The following QARS1 variants were observed in gnomAD, a reference collection of about 807,000 sequenced individuals.
The protein encoded by QARS1 is glutaminyl-tRNA synthetase 1.
A neutral mutation model predicts 106.9 loss-of-function variants in QARS1; 79 were observed. The ratio of observed to expected loss-of-function variants is 0.74; its 90% CI spans 0.62 to 0.89. The LOEUF is 0.89. QARS1 is among the 40% of genes least tolerant of loss of function. The pLI is 0.00. For missense variants in QARS1, 966 were observed against 997.2 expected (o/e 0.97, Z 0.42); for synonymous variants, 395 against 367.7 (o/e 1.07, Z -0.85).
At chr3:49,099,283 C>G in intron 17 of QARS1, 30 bp from the exon 18 acceptor site, 1 of 1,614,164 alleles carries the variant, frequency 6.2e-7, no homozygotes, top group Non-Finnish European at 8.5e-7. Flanking sequence ...TCAGTCACAG[C>G]TACAATCACA....
At position 49,100,102 on chromosome 3, in the gene QARS1, C is replaced by A; in HGVS notation, c.1165-11G>T. On this transcript the variant is annotated splice_polypyrimidine_tract_variant and intron_variant, in intron 13 of 23. Coordinates refer to ENST00000306125, the MANE Select transcript of QARS1 (RefSeq NM_005051.3). ...GCCCTTGCGCATTGCCTGAGGGGAA[C>A]AAGGACTCAGGCTGTCTCTAAGCAC... 6.2e-7 allele frequency: 1 copy of A among 1,614,238 alleles called. No individual in the cohort carries two copies. Among genetic ancestry groups the A allele is most frequent in the African/African-American group, 1.3e-5 (1 of 75,060 alleles).
In QARS1 at chr3:49,099,390, C is replaced by T. The variant is rs201013732; in HGVS notation, c.1568G>A (p.Arg523Gln). The change falls in exon 17 of 24, where the codon CGA becomes CAA. Residue 523 changes from arginine (R) to glutamine (Q), a missense_variant. Arg to Gln is a conservative substitution (Grantham distance 43). Coordinates refer to ENST00000306125, the MANE Select transcript of QARS1 (RefSeq NM_005051.3). Reference sequence around the variant, plus strand: ...GGCCTCAGGTGGGAAGCCCCGCCGTCGCAGGGCCGTGAGTGTAAAGAGCCG... The same window carrying T: ...GGCCTCAGGTGGGAAGCCCCGCCGTTGCAGGGCCGTGAGTGTAAAGAGCCG... ...DPRLFTLTAL[R>Q]RRGFPPEAIN... 134 of 1,614,186 alleles carry T rather than the reference C, an allele frequency of 8.3e-5. No individual in the cohort carries two copies. The African/African-American group carries it at 9.3e-4, about 11-fold the overall frequency.
Position 49,103,360 on chromosome 3 carries a change from A to G in QARS1, c.501T>C (p.Asn167=). The G allele has an allele frequency of 6.2e-7, 1 of 1,613,994 alleles. No individual in the cohort carries two copies. Among genetic ancestry groups the G allele is most frequent in the South Asian group, 1.1e-5 (1 of 91,082 alleles). The change falls in exon 5 of 24, where the codon AAT becomes AAC. Residue 167 remains asparagine, a synonymous_variant. Coordinates refer to ENST00000306125, the MANE Select transcript of QARS1 (RefSeq NM_005051.3). ...GCACGCTCACCTGCATGTCCACTTC[A>G]TTCTTGATCATTTTGCCATCTGCCC... ...LKWADGKMIK[N]EVDMQVLHLL...
In QARS1 at chr3:49,098,195, G is replaced by A. The variant is rs2042416711; in HGVS notation, c.2148C>T (p.Asn716=). The A allele has an allele frequency of 5.6e-6, 9 of 1,614,052 alleles. No homozygotes were observed. Among genetic ancestry groups the A allele is most frequent in the African/African-American group, 1.3e-5 (1 of 74,928 alleles). The change falls in exon 22 of 24, where the codon AAC becomes AAT. Residue 716 remains asparagine (N), a synonymous_variant. Transcript: ENST00000306125. The stretch of plus-strand genomic sequence containing the variant: ...ACCCCAAACCTCATGAACCTACCAG[G>A]TTCAGGTCACTTAAAAATCCACCAG... ...EVPGGFLSDL[N]LASLHVVDAA...
chr3:49,103,917 G>C lies in QARS1; in HGVS notation c.321C>G (p.Phe107Leu), dbSNP rs201359259. ...HPLDPIDTVD[F>L]ERECGVGVIV... The stretch of plus-strand genomic sequence containing the variant: ...TGACACCCACGCCACATTCCCGCTC[G>C]AAGTCCACAGTGTCGATGGGGTCCA... The change falls in exon 3 of 24, where the codon TTC becomes TTG. Residue 107 changes from phenylalanine (F) to leucine (L), a missense_variant. By Grantham distance (22) the Phe-to-Leu change is conservative. Transcript: ENST00000306125. 2 of 1,613,994 alleles carry C rather than the reference G, an allele frequency of 1.2e-6. No homozygotes were observed. Among genetic ancestry groups the C allele is most frequent in the East Asian group, 2.2e-5 (1 of 44,880 alleles).
rs1366554899 is a variant in QARS1, at chr3:49,101,416, G to C, written c.815C>G (p.Pro272Arg). ...ATGTCCAATATGCAGGATTCCATTG[G>C]GTTCTGGCGGGAACCGGGTACGTAC... ...GQVRTRFPPEPNGILHIGHAK... is the reference protein window; with the variant it reads ...GQVRTRFPPERNGILHIGHAK... The change falls in exon 10 of 24, where the codon CCC (proline) becomes CGC (arginine). Residue 272 changes from proline (P) to arginine (R), a missense_variant. By Grantham distance (103) the Pro-to-Arg change is moderately radical. Transcript: ENST00000306125. The C allele has an allele frequency of 3.1e-6, 5 of 1,613,910 alleles. No homozygotes were observed. The African/African-American group carries it at 5.3e-5, about 17-fold the overall frequency.
rs747237121 is a variant in QARS1 at position 49,104,606 on chromosome 3, G to GGGGCTCGCACCTGAGTAGC, written c.109_117+10dup. The GGGGCTCGCACCTGAGTAGC allele has an allele frequency of 1.9e-6, 3 of 1,599,538 alleles. No homozygotes were observed. Among genetic ancestry groups the GGGGCTCGCACCTGAGTAGC allele is most frequent in the East Asian group, 4.5e-5 (2 of 44,492 alleles). On this transcript the variant is annotated intron_variant, in intron 1 of 23. Transcript: ENST00000306125. ...GTCTGCAAACCAGGCCGGGGGCAGA[G>GGGGCTCGCACCTGAGTAGC]GGGCTCGCACCTGAGTAGCGGCCTC...
At position 49,098,943 on chromosome 3, in the gene QARS1, C is replaced by A. The variant is rs972789446; in HGVS notation, c.1805G>T (p.Gly602Val). The A allele has an allele frequency of 3.7e-6, 6 of 1,614,108 alleles. No homozygotes were observed. The highest frequency in any genetic ancestry group is 5.1e-6 in the Non-Finnish European group (6 of 1,179,978). The change falls in exon 19 of 24, where the codon GGC (glycine) becomes GTC (valine). Residue 602 changes from glycine to valine, a missense_variant. Gly to Val is a moderately radical substitution (Grantham distance 109). Coordinates refer to ENST00000306125, the MANE Select transcript of QARS1 (RefSeq NM_005051.3). Reference sequence around the variant, plus strand: ...GGGTGCAAAGGGAACCTGATGGAAGCCTTTGGTCTCATCAGCTGGGAAGTT... The same window carrying A: ...GGGTGCAAAGGGAACCTGATGGAAGACTTTGGTCTCATCAGCTGGGAAGTT... ...VPNFPADETK[G>V]FHQVPFAPIV...
In QARS1 at chr3:49,104,489, AAG is replaced by A; in HGVS notation, c.118-20_118-19del. The A allele has an allele frequency of 6.2e-7, 1 of 1,613,390 alleles. No homozygotes were observed. Among genetic ancestry groups the A allele is most frequent in the South Asian group, 1.1e-5 (1 of 91,060 alleles). On this transcript the variant is annotated intron_variant, in intron 1 of 23. Coordinates refer to ENST00000306125, the MANE Select transcript of QARS1 (RefSeq NM_005051.3). ...TGCTGAGCCTGAGGTCAGAGGGGTC[AAG>A]AGAGAAGCCCCGCGCTCAGTGAGAG...
In QARS1 at chr3:49,101,880, G is replaced by A. The variant is rs1325504006; in HGVS notation, c.651C>T (p.Thr217=). Residue 217 remains threonine (T), a synonymous_variant, in exon 8 of 24, where the codon ACC becomes ACT. Transcript: ENST00000306125. ...CCCGGAGCTGCTCCATCAGAGACAG[G>A]GTCTGGTCAGCAGTCTCGCCTGTGG... is the stretch of plus-strand genomic sequence containing the variant. The part of the protein sequence containing the change: ...VVENGETADQ[T]LSLMEQLRGE... 1 of 1,612,020 alleles carries A rather than the reference G, an allele frequency of 6.2e-7. No individual in the cohort carries two copies. The highest frequency in any genetic ancestry group is 8.5e-7 in the Non-Finnish European group (1 of 1,178,994).
Position 49,101,630 on chromosome 3 carries a change from G to A in QARS1, c.779C>T (p.Thr260Ile), listed in dbSNP as rs1559968834. 1.2e-6 allele frequency: 2 copies of A among 1,613,758 alleles called. No individual in the cohort carries two copies. The highest frequency in any genetic ancestry group is 1.7e-6 in the Non-Finnish European group (2 of 1,180,002). ...MNLLKQHLEI[T>I]GGQVRTRFPP... ...CACATCCCCACACACCTGCCCACCA[G>A]TAATCTCCAGGTGCTGCTTTAGTAG... The change falls in exon 9 of 24, where the codon ACT becomes ATT. Residue 260 changes from threonine to isoleucine, a missense_variant. Coordinates refer to ENST00000306125, the MANE Select transcript of QARS1 (RefSeq NM_005051.3).
At position 49,103,366 on chromosome 3, in the gene QARS1, G is replaced by C. The variant is rs375725197; in HGVS notation, c.495C>G (p.Ile165Met). ...AVLKWADGKM[I>M]KNEVDMQVLH... ...TCACCTGCATGTCCACTTCATTCTT[G>C]ATCATTTTGCCATCTGCCCACTTCA... Residue 165 changes from isoleucine (I) to methionine (M), a missense_variant, in exon 5 of 24, where the codon ATC becomes ATG. Transcript: ENST00000306125. 1 of 1,613,894 alleles carries C rather than the reference G, an allele frequency of 6.2e-7. No individual in the cohort carries two copies. The highest frequency in any genetic ancestry group is 1.7e-5 in the Admixed American group (1 of 59,992).
chr3:49,102,178 C>A, intron 7 of QARS1, 27 bp downstream of exon 7: 1 of 1,614,026 alleles, frequency 6.2e-7, no homozygotes, highest in Non-Finnish European at 8.5e-7. Context: ...GAGCTGAATG[C>A]TGTGACAGGA....
At position 49,102,443 on chromosome 3, in the gene QARS1, C is replaced by T; in HGVS notation, c.546G>A (p.Glu182=). ...CCTTGAACTTCTTCTCCAGATCAGCCTCCAACTTGGGGCCCAGAAGGTGGA... is the reference window on the plus strand; with the variant it reads ...CCTTGAACTTCTTCTCCAGATCAGCTTCCAACTTGGGGCCCAGAAGGTGGA... The part of the protein sequence containing the change: ...QVLHLLGPKL[E]ADLEKKFKVA... Residue 182 remains glutamate (E), a synonymous_variant, in exon 6 of 24, where the codon GAG becomes GAA. Coordinates refer to ENST00000306125, the MANE Select transcript of QARS1 (RefSeq NM_005051.3). The T allele has an allele frequency of 1.2e-6, 2 of 1,614,180 alleles. No individual in the cohort carries two copies. The highest frequency in any genetic ancestry group is 1.7e-6 in the Non-Finnish European group (2 of 1,180,042).
intron 16 of QARS1, 36 bp from the exon 17 acceptor site, chr3:49,099,467 G>A (rs772403492): frequency 2.5e-6 from 4 of 1,614,078 alleles, no homozygotes; most frequent in Non-Finnish European, 3.4e-6. Context: ...GCCTTTGGGA[G>A]CATATGCCAT....
Position 49,098,366 on chromosome 3 carries a change from G to A in QARS1, c.2071C>T (p.Leu691Phe), listed in dbSNP as rs778797651. 1 of 1,614,198 alleles carries A rather than the reference G, an allele frequency of 6.2e-7. No homozygotes were observed. The highest frequency in any genetic ancestry group is 8.5e-7 in the Non-Finnish European group (1 of 1,180,030). The change falls in exon 21 of 24, where the codon CTC (leucine) becomes TTC (phenylalanine). Residue 691 changes from leucine to phenylalanine, a missense_variant. Physicochemically the swap from Leu to Phe is conservative, Grantham distance 22. Coordinates refer to ENST00000306125, the MANE Select transcript of QARS1 (RefSeq NM_005051.3). ...CTGTTCACTCACAGTCGCTCATAGA[G>A]GCGAACCTCACACATCAAAGGCTGT... ...VSQPLMCEVR[L>F]YERLFQHKNP...
Position 49,101,663 on chromosome 3 carries a change from G to A in QARS1, c.746C>T (p.Thr249Ile). Residue 249 changes from threonine to isoleucine, a missense_variant, in exon 9 of 24, where the codon ACC becomes ATC. Transcript: ENST00000306125. ...KTPGYVVTPH[T>I]MNLLKQHLEI... Reference sequence around the variant, plus strand: ...CAGGTGCTGCTTTAGTAGATTCATGGTGTGTGGAGTGACCACATAGCCTGG... The same window carrying A: ...CAGGTGCTGCTTTAGTAGATTCATGATGTGTGGAGTGACCACATAGCCTGG... 1.2e-6 allele frequency: 2 copies of A among 1,614,022 alleles called. No homozygotes were observed. Among genetic ancestry groups the A allele is most frequent in the Non-Finnish European group, 1.7e-6 (2 of 1,180,018 alleles).
At position 49,099,270 on chromosome 3, in the gene QARS1, G is replaced by A. The variant is rs138271247; in HGVS notation, c.1615-17C>T. ...CACTCCCACCTGGCAGGAAAGTTCA[G>A]CATCAGTCACAGCTACAATCACAAA... On this transcript the variant is annotated splice_polypyrimidine_tract_variant and intron_variant, in intron 17 of 23. Coordinates refer to ENST00000306125, the MANE Select transcript of QARS1 (RefSeq NM_005051.3). 3 of 1,614,046 alleles carry A rather than the reference G, an allele frequency of 1.9e-6. No individual in the cohort carries two copies. Among genetic ancestry groups the A allele is most frequent in the Admixed American group, 1.7e-5 (1 of 60,006 alleles).
rs780478501 is a variant in QARS1, at chr3:49,098,484, G to A, written c.1957-4C>T. ...TCTCTACACAACCACTGGGGCCCTG[G>A]AAGTGGGGGGAGGGGAGCAGCAATT... On this transcript the variant is annotated splice_region_variant and splice_polypyrimidine_tract_variant and intron_variant, in intron 20 of 23. Transcript: ENST00000306125. The A allele has an allele frequency of 1.9e-6, 3 of 1,614,156 alleles. No individual in the cohort carries two copies. The highest frequency in any genetic ancestry group is 1.7e-6 in the Non-Finnish European group (2 of 1,180,036).
Sources: allele counts gnomAD v4.1 joint callset, GRCh38; gene constraint gnomAD v4.1.1; transcripts MANE v1.5; gene names NCBI Gene and HGNC (gene_info 2026-07-23, HGNC 2026-07-21).